TP73: variants seen among roughly 807,000 people sequenced by gnomAD.
TP73 encodes p53-like transcription factor.
In TP73, 25 loss-of-function variants were observed where a neutral mutation model predicts 62.5. The observed-to-expected ratio is 0.40, with a 90% CI of 0.29 to 0.56. The LOEUF (loss-of-function observed/expected upper bound fraction) is 0.56, where lower values mean the gene tolerates loss of function less well. Among genes scored for constraint, TP73 ranks in the 20% least tolerant of loss-of-function variants. TP73 has a pLI of 0.46. For synonymous variants in TP73, 423 were observed against 377.5 expected (o/e 1.12, Z -1.40); for missense variants, 754 against 913.3 (o/e 0.83, Z 2.25).
chr1:3,685,849 C>G (rs986767601), intron 3 of TP73, among the ~76,000 whole-genome samples: 3 of 152,234 alleles, frequency 2.0e-5, no homozygotes, highest in Non-Finnish European at 2.9e-5. Flanking sequence ...GCATGGGGGG[C>G]TCTGAGTGCC....
At chr1:3,664,994 G>A (rs1570369716) in intron 1 of TP73, among the ~76,000 whole-genome samples, 2 of 152,304 alleles carry the variant, frequency 1.3e-5, no homozygotes. Flanking sequence ...AAATTACAGA[G>A]GAAAGACTCT....
At chr1:3,683,907 G>A (rs1005804375) in intron 3 of TP73, among the ~76,000 whole-genome samples, 2 of 152,236 alleles carry the variant, frequency 1.3e-5, no homozygotes, top group African/African-American at 4.8e-5. Context: ...AAGAGGACTG[G>A]ATAGGGGGCA....
At chr1:3,718,273 C>T (rs1386283496) in intron 4 of TP73, among the ~76,000 whole-genome samples, 1 of 152,254 alleles carries the variant, frequency 6.6e-6, no homozygotes, top group African/African-American at 2.4e-5. Context: ...GGACCTCTTG[C>T]AGACGGGAGT....
rs1334218958 is a variant in TP73 at position 3,663,740 on chromosome 1, A to C, written c.-34+11099A>C. Reference sequence around the variant, plus strand: ...GAAAGAAAGGATACAGACATCCTGAACCGGGGGCTGGGGCCAGGTCTGAAG... The same window carrying C: ...GAAAGAAAGGATACAGACATCCTGACCCGGGGGCTGGGGCCAGGTCTGAAG... On this transcript the variant is annotated intron_variant, in intron 1 of 13. Transcript: ENST00000378295. The surrounding 1 kb of genome is among the most constrained non-coding windows in gnomAD (Gnocchi z 4.7). Among the ~76,000 whole-genome samples, 6 of 151,830 alleles carry C rather than the reference A, an allele frequency of 4.0e-5. No individual in the cohort carries two copies. The highest frequency in any genetic ancestry group is 7.4e-5 in the Non-Finnish European group (5 of 67,976).
In TP73 at chr1:3,697,889, C is replaced by A. The variant is rs3737585; in HGVS notation, c.187-9660C>A. ...GGCCCCCCACAGCCGTCCTGGACCG[C>A]CTTCTCCACCTTTGGGCTCCTGCTC... On this transcript the variant is annotated intron_variant, in intron 3 of 13. Coordinates refer to ENST00000378295, the MANE Select transcript of TP73 (RefSeq NM_005427.4). Among the ~76,000 whole-genome samples, 273 of 152,320 alleles carry A rather than the reference C, an allele frequency of 1.8e-3. 2 individuals are homozygous for A. The East Asian group carries it at 0.031, about 17-fold the overall frequency.
chr1:3,678,816 G>A (rs1378878069), intron 1 of TP73, among the ~76,000 whole-genome samples: 1 of 152,202 alleles, frequency 6.6e-6, no homozygotes, highest in Non-Finnish European at 1.5e-5. Context: ...GGGGAGGGGT[G>A]TCCTGGAAGA....
chr1:3,663,679 A>G lies in TP73; in HGVS notation c.-34+11038A>G, dbSNP rs10910005. ...TGCAGTGAGCCAAGATCGTGCAACA[A>G]TGCGAGACTCCATCTCAAAAAAAAA... On this transcript the variant is annotated intron_variant, in intron 1 of 13. Coordinates refer to ENST00000378295, the MANE Select transcript of TP73 (RefSeq NM_005427.4). The surrounding 1 kb of genome is among the most constrained non-coding windows in gnomAD (Gnocchi z 4.7). Among the ~76,000 whole-genome samples the G allele has an allele frequency of 0.16, 23,614 of 150,438 alleles. 2,037 individuals are homozygous for G. The highest frequency in any genetic ancestry group is 0.22 in the Admixed American group (3,269 of 15,094).
In TP73 at chr1:3,679,977, CTCTG is replaced by C. The variant is rs1050644740; in HGVS notation, c.-33-2352_-33-2349del. Among the ~76,000 whole-genome samples the C allele has an allele frequency of 1.1e-4, 16 of 152,158 alleles. No homozygotes were observed. The South Asian group carries it at 2.7e-3, about 26-fold the overall frequency. Reference sequence around the variant, plus strand: ...TTTGTCTCTCTCTTTGTCCCTGTCTCTCTGTCTCTCTTCCTGTCTTTCTCTTTCT... The same window carrying C: ...TTTGTCTCTCTCTTTGTCCCTGTCTCTCTCTCTTCCTGTCTTTCTCTTTCT... On this transcript the variant is annotated intron_variant, in intron 1 of 13. Coordinates refer to ENST00000378295, the MANE Select transcript of TP73 (RefSeq NM_005427.4).
At chr1:3,697,191 A>G (rs966334432) in intron 3 of TP73, among the ~76,000 whole-genome samples, 1 of 138,770 alleles carries the variant, frequency 7.2e-6, no homozygotes, top group Non-Finnish European at 1.6e-5. Flanking sequence ...CCCGCGGCCC[A>G]CCTCGCACCC....
intron 4 of TP73, among the ~76,000 whole-genome samples, chr1:3,710,412 C>T (rs973474554): frequency 7.2e-5 from 11 of 152,140 alleles, no homozygotes; most frequent in African/African-American, 1.7e-4. Context: ...CAGTGCAGAA[C>T]GGGGCCGCCG....
intron 9 of TP73, 100 bp downstream of exon 9, chr1:3,728,317 TG>T (rs2124525373): frequency 7.8e-7 from 1 of 1,275,006 alleles, no homozygotes; most frequent in East Asian, 2.4e-5. Context: ...GAGACCATGG[TG>T]GAGGGGGCGG....
intron 1 of TP73, chr1:3,652,871 G>T (rs1218792764): frequency 6.6e-6 from 1 of 152,318 alleles, no homozygotes; most frequent in Non-Finnish European, 1.5e-5. Context: ...AGGAGACGCG[G>T]GTCCTGCCCT....
intron 4 of TP73, among the ~76,000 whole-genome samples, chr1:3,720,261 G>A (rs1640963337): frequency 6.6e-6 from 1 of 152,208 alleles, no homozygotes; most frequent in Non-Finnish European, 1.5e-5. Context: ...CTGCAGGGCT[G>A]TGCATGATGG....
At chr1:3,725,584 G>A (rs1313268993) in intron 6 of TP73, among the ~76,000 whole-genome samples, 1 of 140,884 alleles carries the variant, frequency 7.1e-6, no homozygotes, top group Non-Finnish European at 1.5e-5. Context: ...ATGGATGGGT[G>A]GGTGGGTGAA....
chr1:3,654,822 G>A (rs996774642), intron 1 of TP73, among the ~76,000 whole-genome samples: 1 of 152,260 alleles, frequency 6.6e-6, no homozygotes, highest in African/African-American at 2.4e-5. Context: ...ACTGGGGCAA[G>A]GATGCCTGGT....
intron 3 of TP73, among the ~76,000 whole-genome samples, chr1:3,705,550 G>A (rs938946521): frequency 6.6e-6 from 1 of 152,278 alleles, no homozygotes; most frequent in Non-Finnish European, 1.5e-5. Flanking sequence ...CCTTGCAGTG[G>A]AGCCAGGGCA....
chr1:3,728,270 C>A, intron 9 of TP73, 53 bp downstream of exon 9: 1 of 1,574,436 alleles, frequency 6.4e-7, no homozygotes. Flanking sequence ...CCTCTGTCGT[C>A]TGCTGAGCCC....
intron 4 of TP73, among the ~76,000 whole-genome samples, chr1:3,714,528 G>A (rs888239550): frequency 6.6e-6 from 1 of 152,236 alleles, no homozygotes; most frequent in African/African-American, 2.4e-5. Flanking sequence ...AGCAGAGCAG[G>A]CCTGTTGCCA....
intron 3 of TP73, among the ~76,000 whole-genome samples, chr1:3,690,060 C>A (rs1429130518): frequency 1.3e-5 from 2 of 152,218 alleles, no homozygotes; most frequent in African/African-American, 4.8e-5. Flanking sequence ...GGCCCCACTG[C>A]CGGGCTGTTC....
Sources: gnomAD v4.1 joint callset for allele counts (sites outside exome capture counted in the v4.1 genomes callset) on GRCh38, gnomAD v4.1.1 for gene constraint, Gnocchi (gnomAD v3.1) non-coding constraint, MANE v1.5 for transcripts, NCBI Gene and HGNC (gene_info 2026-07-23, HGNC 2026-07-21) for gene names.